MINDY3: variants seen among roughly 807,000 people sequenced by gnomAD.
The protein encoded by MINDY3 is MINDY lysine 48 deubiquitinase 3.
Under a neutral mutation model 69.2 loss-of-function variants are expected in MINDY3, and 38 were observed. The observed-to-expected ratio is 0.55, with a 90% CI of 0.42 to 0.72. The LOEUF is 0.72. MINDY3 is among the 30% of genes least tolerant of loss of function. MINDY3 has a pLI of 0.00. For synonymous variants in MINDY3, 192 were observed against 180.1 expected, an observed-to-expected ratio of 1.07 and a Z score of -0.53; for missense variants, 522 against 519.0, an observed-to-expected ratio of 1.01 and a Z score of -0.06.
At chr10:15,841,794 T>C (rs1358899031) in intron 3 of MINDY3, among the ~76,000 whole-genome samples, 195 bp from the exon 4 acceptor site, 1 of 151,694 alleles carries the variant, frequency 6.6e-6, no homozygotes, top group Non-Finnish European at 1.5e-5. Flanking sequence ...CCACTTTAAA[T>C]AAAGCCATCC....
intron 2 of MINDY3, among the ~76,000 whole-genome samples, chr10:15,846,323 AC>A (rs1478043603): frequency 6.6e-6 from 1 of 152,202 alleles, no homozygotes; most frequent in African/African-American, 2.4e-5. Flanking sequence ...CCTTGCTATT[AC>A]TGACCAAGAG....
intron 1 of MINDY3, among the ~76,000 whole-genome samples, chr10:15,856,446 T>C (rs1323714543): frequency 6.6e-6 from 1 of 150,920 alleles, no homozygotes; most frequent in East Asian, 1.9e-4. Context: ...ACTGTACTGC[T>C]ACAAATAGCA....
intron 11 of MINDY3, among the ~76,000 whole-genome samples, chr10:15,793,424 T>C (rs1220215295): frequency 1.3e-5 from 2 of 152,118 alleles, no homozygotes; most frequent in Non-Finnish European, 2.9e-5. Context: ...TTGACCTTGT[T>C]TTATAAGTAT....
chr10:15,823,304 G>C (rs766978919), intron 8 of MINDY3, among the ~76,000 whole-genome samples: 36 of 152,134 alleles, frequency 2.4e-4, no homozygotes, highest in Non-Finnish European at 4.0e-4. Flanking sequence ...GACCCTCTTA[G>C]AGACTACGTG....
chr10:15,807,070 G>A (rs1339399206), intron 10 of MINDY3, among the ~76,000 whole-genome samples: 1 of 152,124 alleles, frequency 6.6e-6, no homozygotes, highest in Non-Finnish European at 1.5e-5. Context: ...GCCCCAGACT[G>A]TAACATGCAG....
chr10:15,803,656 G>T (rs1838419018), intron 10 of MINDY3, among the ~76,000 whole-genome samples: 1 of 151,952 alleles, frequency 6.6e-6, no homozygotes, highest in African/African-American at 2.4e-5. Flanking sequence ...CATTTGGCAG[G>T]CTTAATAGAT....
At chr10:15,810,768 A>AC (rs1232607475) in intron 10 of MINDY3, among the ~76,000 whole-genome samples, 3 of 152,200 alleles carry the variant, frequency 2.0e-5, no homozygotes, top group African/African-American at 7.2e-5. Context: ...ACAGAGAGAG[A>AC]CAGATAATAT....
intron 7 of MINDY3, among the ~76,000 whole-genome samples, chr10:15,834,302 T>G (rs1299749194): frequency 1.3e-5 from 2 of 152,052 alleles, no homozygotes; most frequent in Admixed American, 1.3e-4. Context: ...TTTGTTAAAA[T>G]ACCTCCCCAC....
chr10:15,860,025 A>G (rs887144003), intron 1 of MINDY3, among the ~76,000 whole-genome samples, 181 bp downstream of exon 1: 1 of 152,098 alleles, frequency 6.6e-6, no homozygotes, highest in South Asian at 2.1e-4. Context: ...CCATTCTCCT[A>G]CTCAAACTCT....
intron 13 of MINDY3, 109 bp from the exon 14 acceptor site, chr10:15,782,335 G>A (rs941343587): frequency 1.4e-6 from 1 of 738,966 alleles, no homozygotes; most frequent in Non-Finnish European, 2.1e-6. Context: ...CTTTGACTGG[G>A]GACTCATTTG....
At position 15,833,707 on chromosome 10, in the gene MINDY3, T is replaced by C; in HGVS notation, c.653A>G (p.Gln218Arg). The C allele has an allele frequency of 6.2e-7, 1 of 1,600,160 alleles. No individual in the cohort carries two copies. The highest frequency in any genetic ancestry group is 8.6e-7 in the Non-Finnish European group (1 of 1,167,902). Residue 218 changes from glutamine to arginine, a missense_variant and splice_region_variant, in exon 8 of 15, where the codon CAA becomes CGA. Gln to Arg is a conservative substitution (Grantham distance 43, BLOSUM62 1). Transcript: ENST00000277632. ...LIDPVYGHGS[Q>R]SLINLLLTGH... is the part of the protein sequence containing the mutation. ...CGTCAGCAGGAGATTAATTAAACTT[T>C]GGCTATTAATAAATATTAAAAAGCA...
At chr10:15,802,232 T>C (rs1309671083) in intron 10 of MINDY3, among the ~76,000 whole-genome samples, 1 of 152,076 alleles carries the variant, frequency 6.6e-6, no homozygotes, top group Non-Finnish European at 1.5e-5. Flanking sequence ...GGGTCAATTA[T>C]GTTTTCAAAA....
chr10:15,825,581 T>C (rs1840033754), intron 8 of MINDY3, among the ~76,000 whole-genome samples: 1 of 152,194 alleles, frequency 6.6e-6, no homozygotes, highest in African/African-American at 2.4e-5. Flanking sequence ...ACTGCATTTT[T>C]AGGAGTTCCA....
intron 11 of MINDY3, among the ~76,000 whole-genome samples, chr10:15,793,880 C>T (rs1453646710): frequency 6.6e-6 from 1 of 152,094 alleles, no homozygotes; most frequent in Non-Finnish European, 1.5e-5. Context: ...CAATTTCATA[C>T]CAGGTTTATG....
chr10:15,807,615 G>A (rs1413909877), intron 10 of MINDY3, among the ~76,000 whole-genome samples: 1 of 151,994 alleles, frequency 6.6e-6, no homozygotes, highest in Non-Finnish European at 1.5e-5. Flanking sequence ...TAATGATACT[G>A]ACTCTTAATT....
intron 10 of MINDY3, among the ~76,000 whole-genome samples, chr10:15,807,711 G>C (rs974422673): frequency 6.6e-6 from 1 of 152,008 alleles, no homozygotes; most frequent in African/African-American, 2.4e-5. Flanking sequence ...GGATACTATT[G>C]TAAGAGAAAA....
At chr10:15,825,945 T>G (rs888243430) in intron 8 of MINDY3, among the ~76,000 whole-genome samples, 1 of 151,948 alleles carries the variant, frequency 6.6e-6, no homozygotes, top group South Asian at 2.1e-4. Context: ...TAAAGAAAAT[T>G]ATAAAATAAA....
intron 8 of MINDY3, among the ~76,000 whole-genome samples, chr10:15,826,549 A>G (rs905743785): frequency 3.9e-5 from 6 of 152,236 alleles, no homozygotes; most frequent in Admixed American, 1.3e-4. Flanking sequence ...ATCTTCAAAG[A>G]TTTCTTAAAA....
intron 10 of MINDY3, among the ~76,000 whole-genome samples, chr10:15,814,101 G>A (rs1044245743): frequency 1.3e-5 from 2 of 152,058 alleles, no homozygotes; most frequent in Admixed American, 6.6e-5. Flanking sequence ...TAAGAAGAGC[G>A]AAATTTCCAG....
Sources: allele counts gnomAD v4.1 joint callset (sites outside exome capture counted in the v4.1 genomes callset), GRCh38; gene constraint gnomAD v4.1.1; transcripts MANE v1.5; gene names NCBI Gene and HGNC (gene_info 2026-07-23, HGNC 2026-07-21).